NUP188: variants seen among roughly 807,000 people sequenced by gnomAD.
The protein encoded by NUP188 is nucleoporin 188.
A neutral mutation model predicts 223.0 loss-of-function variants in NUP188; 97 were observed. The ratio of observed to expected loss-of-function variants is 0.43; its 90% CI spans 0.37 to 0.51. NUP188 has a LOEUF of 0.51. Ranked by LOEUF, NUP188 falls within the 20% of genes least tolerant of loss-of-function variation. NUP188 has a pLI of 0.00. For missense variants in NUP188, 1,947 were observed against 2,175.6 expected (o/e 0.89, Z 2.09); for synonymous variants, 869 against 828.0 (o/e 1.05, Z -0.85).
chr9:128,965,484 ACT>A (rs1455792089), intron 8 of NUP188, among the ~76,000 whole-genome samples: 1 of 151,988 alleles, frequency 6.6e-6, no homozygotes, highest in Admixed American at 6.6e-5. Flanking sequence ...ACAGAGTCTC[ACT>A]CTATAGCCCA....
intron 8 of NUP188, among the ~76,000 whole-genome samples, chr9:128,966,466 T>A (rs979015322): frequency 1.3e-5 from 2 of 151,880 alleles, no homozygotes; most frequent in African/African-American, 4.8e-5. Context: ...AGCCTTGACC[T>A]CCTGGGCTCA....
chr9:128,964,392 C>T (rs1232698900), intron 8 of NUP188: 3 of 227,870 alleles, frequency 1.3e-5, no homozygotes, highest in South Asian at 4.4e-5. Context: ...GACAAGGTCT[C>T]GGTTTGTCAC....
At chr9:128,972,220 T>C (rs1842114241) in intron 11 of NUP188, among the ~76,000 whole-genome samples, 1 of 152,240 alleles carries the variant, frequency 6.6e-6, no homozygotes, top group Non-Finnish European at 1.5e-5. Flanking sequence ...TCAGTAAGTA[T>C]AACTAAACTG....
In NUP188 at chr9:128,980,656, T is replaced by C; in HGVS notation, c.1320T>C (p.Phe440=). The C allele has an allele frequency of 6.2e-7, 1 of 1,614,158 alleles. No individual in the cohort carries two copies. Among genetic ancestry groups the C allele is most frequent in the Non-Finnish European group, 8.5e-7 (1 of 1,180,026 alleles). ...TTCTGGACAGTGTGTGTGGAATGTT[T>C]CCCCACCTTCTCTCCCCACTCCTGC... The part of the protein sequence containing the change: ...GIILDSVCGM[F]PHLLSPLLQL... Residue 440 remains phenylalanine (F), a synonymous_variant, in exon 14 of 44, where the codon TTT becomes TTC. Transcript: ENST00000372577.
intron 33 of NUP188, 107 bp downstream of exon 33, chr9:128,999,424 TGA>T: frequency 6.9e-7 from 1 of 1,452,248 alleles, no homozygotes; most frequent in Non-Finnish European, 9.3e-7. Context: ...CTGGGACTTT[TGA>T]GTTTCCAGTC....
intron 20 of NUP188, among the ~76,000 whole-genome samples, chr9:128,985,497 A>G (rs1344511701): frequency 6.6e-6 from 1 of 152,066 alleles, no homozygotes; most frequent in African/African-American, 2.4e-5. Context: ...ATGGGTTACA[A>G]CTCGGTTTGA....
At chr9:128,993,450 G>T (rs1564563693) in intron 26 of NUP188, 47 bp downstream of exon 26, 1 of 1,611,674 alleles carries the variant, frequency 6.2e-7, no homozygotes, top group Non-Finnish European at 8.5e-7. Flanking sequence ...TCACTGGGAG[G>T]CAGATGCTGG....
In NUP188 at chr9:129,006,853, A is replaced by G; in HGVS notation, c.*175A>G. ...CTGACGTTATTTTTATACTAGATGA[A>G]GAGGTCAACAGCAGGCATGGGGAGC... is the stretch of plus-strand genomic sequence containing the variant. On this transcript the variant is annotated 3_prime_UTR_variant, in exon 44 of 44. Transcript: ENST00000372577. The G allele has an allele frequency of 6.8e-6, 4 of 588,838 alleles. No homozygotes were observed. Among genetic ancestry groups the G allele is most frequent in the Non-Finnish European group, 1.1e-5 (4 of 354,462 alleles). 36.5% of individuals were successfully genotyped at this position (588,838 alleles called of 1,614,324 possible).
intron 36 of NUP188, 146 bp downstream of exon 36, chr9:129,002,122 C>A: frequency 1.5e-6 from 1 of 673,166 alleles, no homozygotes. Flanking sequence ...TGCCCCCAGG[C>A]GGATCTCTAG....
intron 8 of NUP188, among the ~76,000 whole-genome samples, chr9:128,966,919 TGTTAAAAATATTGA>T (rs1178894283): frequency 6.6e-6 from 1 of 152,200 alleles, no homozygotes; most frequent in East Asian, 1.9e-4. Flanking sequence ...TACTATGTAG[TGTTAAAAATATTGA>T]GTGTATTGGT....
Position 128,983,399 on chromosome 9 carries a change from C to T in NUP188, c.1884+19C>T. The T allele has an allele frequency of 6.2e-7, 1 of 1,613,852 alleles. No individual in the cohort carries two copies. Among genetic ancestry groups the T allele is most frequent in the Non-Finnish European group, 8.5e-7 (1 of 1,179,734 alleles). On this transcript the variant is annotated intron_variant, in intron 18 of 43. Transcript: ENST00000372577. ...AGCAAAGGTGAGATGCCAGATCTTC[C>T]CAAGAGCCAAAAATGTAGCACTTGG...
At chr9:128,987,088 AGTGTGTGT>A (rs376346210) in intron 22 of NUP188, among the ~76,000 whole-genome samples, 128 of 113,326 alleles carry the variant, frequency 1.1e-3, no homozygotes, top group African/African-American at 3.5e-3. Context: ...AGAGAGAGAG[AGTGTGTGT>A]GTGTGTGTGT....
chr9:128,984,830 G>A (rs1433196852), intron 19 of NUP188, 70 bp from the exon 20 acceptor site: 15 of 988,254 alleles, frequency 1.5e-5, no homozygotes, highest in Middle Eastern at 4.5e-4. Context: ...TAACAAGAAT[G>A]CTCTATGATT....
At chr9:128,960,120 G>A (rs529314246) in intron 8 of NUP188, among the ~76,000 whole-genome samples, 3 of 137,512 alleles carry the variant, frequency 2.2e-5, no homozygotes, top group African/African-American at 8.3e-5. Context: ...CTGGAATGCA[G>A]TGGTGAGATC....
At chr9:129,000,767 G>A (rs1258122945) in intron 34 of NUP188, among the ~76,000 whole-genome samples, 4 of 151,978 alleles carry the variant, frequency 2.6e-5, no homozygotes, top group East Asian at 3.9e-4. Flanking sequence ...GGCCGGGCAC[G>A]GTGGCTAACG....
chr9:128,987,088 A>AGTGTGTGTGTGTGT (rs376346210), intron 22 of NUP188, among the ~76,000 whole-genome samples: 6 of 113,338 alleles, frequency 5.3e-5, no homozygotes, highest in East Asian at 2.8e-4. Context: ...AGAGAGAGAG[A>AGTGTGTGTGTGTGT]GTGTGTGTGT....
At chr9:128,969,720 C>G (rs1269246560) in intron 10 of NUP188, among the ~76,000 whole-genome samples, 1 of 152,178 alleles carries the variant, frequency 6.6e-6, no homozygotes, top group Non-Finnish European at 1.5e-5. Flanking sequence ...GTGGCGTGGT[C>G]TTGGCTCACT....
chr9:128,965,956 C>G (rs1285192536), intron 8 of NUP188, among the ~76,000 whole-genome samples: 6 of 151,340 alleles, frequency 4.0e-5, no homozygotes, highest in Non-Finnish European at 8.8e-5. Context: ...CACCACCACG[C>G]CCAGCTTTTT....
chr9:128,976,909 T>G (rs1842183687), intron 12 of NUP188, among the ~76,000 whole-genome samples: 1 of 151,908 alleles, frequency 6.6e-6, no homozygotes, highest in African/African-American at 2.4e-5. Flanking sequence ...AAGCCCTGTC[T>G]CTACCAAAAA....
Sources: allele counts gnomAD v4.1 joint callset (sites outside exome capture counted in the v4.1 genomes callset), GRCh38; gene constraint gnomAD v4.1.1; transcripts MANE v1.5; gene names NCBI Gene and HGNC (gene_info 2026-07-23, HGNC 2026-07-21).